The following PDE4D variants were observed in gnomAD, a reference collection of about 807,000 sequenced individuals.
The protein encoded by PDE4D is 3',5'-cyclic-AMP phosphodiesterase 4D.
In PDE4D, 24 loss-of-function variants were observed where a neutral mutation model predicts 87.4. The observed-to-expected ratio is 0.27, with a 90% CI of 0.20 to 0.39. PDE4D has a LOEUF of 0.39. Among genes scored for constraint, PDE4D ranks in the 10% least tolerant of loss-of-function variants. The pLI is 1.00. For synonymous variants in PDE4D, 384 were observed against 383.2 expected, an observed-to-expected ratio of 1.00 and a Z score of -0.02; for missense variants, 714 against 1,041.0, an observed-to-expected ratio of 0.69 and a Z score of 4.32.
At chr5:60,060,664 C>T (rs1373579721) in intron 2 of PDE4D, among the ~76,000 whole-genome samples, 1 of 152,026 alleles carries the variant, frequency 6.6e-6, no homozygotes, top group African/African-American at 2.4e-5. Context: ...GAACCACCAT[C>T]TCCTCTTGCA....
At chr5:60,067,358 T>C (rs1428866068) in intron 2 of PDE4D, among the ~76,000 whole-genome samples, 5 of 152,096 alleles carry the variant, frequency 3.3e-5, no homozygotes, top group Admixed American at 6.6e-5. Flanking sequence ...GCTCAGTCTA[T>C]GTTCTTGAAT....
intron 1 of PDE4D, among the ~76,000 whole-genome samples, chr5:60,366,885 A>AT (rs199524273): frequency 5.3e-5 from 8 of 152,188 alleles, no homozygotes; most frequent in East Asian, 1.9e-4. Context: ...GAATATCTGA[A>AT]TTTTTTTATC....
At chr5:59,518,752 C>T (rs1205246844) in intron 1 of PDE4D, among the ~76,000 whole-genome samples, 4 of 152,170 alleles carry the variant, frequency 2.6e-5, no homozygotes, top group African/African-American at 9.7e-5. Flanking sequence ...TTTGTTGTTT[C>T]TGCATCCCCT....
chr5:59,267,408 G>A (rs554995161), intron 1 of PDE4D, among the ~76,000 whole-genome samples: 1 of 152,106 alleles, frequency 6.6e-6, no homozygotes, highest in East Asian at 1.9e-4. Context: ...TCTCATCTTT[G>A]ATGTATTTTA....
intron 1 of PDE4D, among the ~76,000 whole-genome samples, chr5:59,308,661 G>A (rs1051845326): frequency 6.6e-6 from 1 of 151,942 alleles, no homozygotes; most frequent in African/African-American, 2.4e-5. Context: ...GCAGGGGGTA[G>A]GGGTTGGGGG....
chr5:59,104,015 C>A (rs986414475), intron 5 of PDE4D, among the ~76,000 whole-genome samples: 1 of 151,534 alleles, frequency 6.6e-6, no homozygotes, highest in African/African-American at 2.4e-5. Flanking sequence ...TAGTGATAAT[C>A]GAATTAGATA....
intron 1 of PDE4D, among the ~76,000 whole-genome samples, chr5:59,480,120 G>A (rs772843770): frequency 1.3e-5 from 2 of 151,380 alleles, no homozygotes; most frequent in African/African-American, 4.9e-5. Flanking sequence ...AATTTTATAG[G>A]CATGAGCATT....
chr5:60,502,099 A>T (rs1279732164), intron 1 of PDE4D, among the ~76,000 whole-genome samples: 1 of 151,710 alleles, frequency 6.6e-6, no homozygotes, highest in Non-Finnish European at 1.5e-5. Flanking sequence ...CTGAATGGTA[A>T]TGCCTAGGTT....
intron 5 of PDE4D, among the ~76,000 whole-genome samples, chr5:59,046,125 G>A (rs1191802158): frequency 2.0e-5 from 3 of 152,132 alleles, no homozygotes; most frequent in Admixed American, 6.5e-5. Context: ...TTTCTTTCAC[G>A]AGAGTCTGCC....
At chr5:60,510,488 A>G (rs1750521865) in intron 1 of PDE4D, among the ~76,000 whole-genome samples, 1 of 152,212 alleles carries the variant, frequency 6.6e-6, no homozygotes, top group Non-Finnish European at 1.5e-5. Context: ...AAGAATGAGT[A>G]CAATTTTGAG....
At chr5:60,045,460 A>T (rs76760331) in intron 2 of PDE4D, among the ~76,000 whole-genome samples, 23,046 of 151,998 alleles carry the variant, frequency 0.15, 1,777 homozygotes, top group Middle Eastern at 0.23. Flanking sequence ...TGAATGGTAA[A>T]GCCTAGGTTT....
rs377191344 is a variant in PDE4D at position 59,258,081 on chromosome 5, TC to T, written c.456-42114del. Among the ~76,000 whole-genome samples, 119 of 152,138 alleles carry T rather than the reference TC, an allele frequency of 7.8e-4. 2 individuals are homozygous for T. The highest frequency in any genetic ancestry group is 2.8e-3 in the African/African-American group (115 of 41,532). The stretch of plus-strand genomic sequence containing the variant: ...TAAGACAGCAATCTTTCACTTCTTT[TC>T]CTTTTTAAGTGATTGAAAAAGATAG... On this transcript the variant is annotated intron_variant, in intron 1 of 14. Coordinates refer to ENST00000340635, the MANE Select transcript of PDE4D (RefSeq NM_001104631.2).
intron 1 of PDE4D, among the ~76,000 whole-genome samples, chr5:59,574,028 A>ATAT (rs1459885734): frequency 5.9e-5 from 7 of 119,096 alleles, no homozygotes; most frequent in Admixed American, 4.6e-4. Context: ...ATATATATAT[A>ATAT]AAAATATATA....
At chr5:59,322,138 C>A (rs1774831784) in intron 1 of PDE4D, among the ~76,000 whole-genome samples, 1 of 152,112 alleles carries the variant, frequency 6.6e-6, no homozygotes, top group Non-Finnish European at 1.5e-5. Flanking sequence ...TTAAGACACA[C>A]TATTGGCACA....
chr5:59,009,236 G>A (rs867813421), intron 6 of PDE4D, among the ~76,000 whole-genome samples: 1 of 152,160 alleles, frequency 6.6e-6, no homozygotes, highest in Middle Eastern at 3.4e-3. Context: ...ATCTACCCAT[G>A]AGAAATGAAA....
At chr5:59,744,563 T>C (rs567539587) in intron 1 of PDE4D, among the ~76,000 whole-genome samples, 1 of 152,246 alleles carries the variant, frequency 6.6e-6, no homozygotes, top group South Asian at 2.1e-4. Context: ...TGAGGTCTAT[T>C]AGAATCATAA....
chr5:60,126,354 C>T (rs1582783359), intron 2 of PDE4D, among the ~76,000 whole-genome samples: 1 of 152,200 alleles, frequency 6.6e-6, no homozygotes, highest in Middle Eastern at 3.4e-3. Context: ...TTTTATTCTG[C>T]CATAATCTAC....
chr5:59,549,603 A>AAATG (rs1817788343), intron 1 of PDE4D, among the ~76,000 whole-genome samples: 1 of 152,046 alleles, frequency 6.6e-6, no homozygotes, highest in African/African-American at 2.4e-5. Context: ...ACATGAAAAT[A>AAATG]TATATAACCT....
At chr5:59,634,044 T>C (rs553797528) in intron 1 of PDE4D, among the ~76,000 whole-genome samples, 5 of 128,354 alleles carry the variant, frequency 3.9e-5, no homozygotes, top group Middle Eastern at 3.8e-3. Context: ...TGGAGGAAGA[T>C]TTACCAAACA....
Sources: gnomAD v4.1 joint callset for allele counts (sites outside exome capture counted in the v4.1 genomes callset) on GRCh38, gnomAD v4.1.1 for gene constraint, MANE v1.5 for transcripts, NCBI Gene and HGNC (gene_info 2026-07-23, HGNC 2026-07-21) for gene names.